The following ADAMTS9 variants were observed in gnomAD, a reference collection of about 807,000 sequenced individuals.
ADAMTS9 encodes ADAM metallopeptidase with thrombospondin type 1 motif 9, also known as A disintegrin and metalloproteinase with thrombospondin motifs 9.
ADAMTS9 carries 107 observed loss-of-function variants against 257.1 expected under a neutral mutation model. The ratio of observed to expected loss-of-function variants is 0.42; its 90% CI spans 0.36 to 0.49. The LOEUF (loss-of-function observed/expected upper bound fraction) is 0.49, where lower values mean the gene tolerates loss of function less well. ADAMTS9 is among the 20% of genes least tolerant of loss of function. ADAMTS9 has a pLI of 0.03. For missense variants in ADAMTS9, 2,353 were observed against 2,469.1 expected (o/e 0.95, Z 1.00); for synonymous variants, 982 against 880.9 (o/e 1.11, Z -2.03).
intron 36 of ADAMTS9, among the ~76,000 whole-genome samples, chr3:64,540,258 G>A (rs151115631): frequency 6.6e-4 from 100 of 152,292 alleles, no homozygotes; most frequent in African/African-American, 2.2e-3. Flanking sequence ...TACAAATCAC[G>A]TTTAATCTAT....
chr3:64,636,283 T>C (rs575009525), intron 12 of ADAMTS9, among the ~76,000 whole-genome samples: 1 of 152,196 alleles, frequency 6.6e-6, no homozygotes, highest in Non-Finnish European at 1.5e-5. Context: ...AAACATTTTT[T>C]ATAAACACAC....
At chr3:64,590,088 T>G (rs2084233182) in intron 28 of ADAMTS9, 1 of 152,184 alleles carries the variant, frequency 6.6e-6, no homozygotes, top group Non-Finnish European at 1.5e-5. Context: ...GCATGCATAT[T>G]TCATAGTTGA....
Position 64,615,398 on chromosome 3 carries a change from T to C in ADAMTS9, c.3112A>G (p.Thr1038Ala), listed in dbSNP as rs773812552. Residue 1038 changes from threonine (T) to alanine (A), a missense_variant, in exon 21 of 40, where the codon ACA (threonine) becomes GCA (alanine). Thr to Ala is a moderately conservative substitution (Grantham distance 58). Around this residue, in one of 3 missense-constraint regions of ADAMTS9, gnomAD observed 1,402 missense variants for 1,441.4 expected, o/e 0.97. Coordinates refer to ENST00000498707, the MANE Select transcript of ADAMTS9 (RefSeq NM_182920.2). Reference sequence around the variant, plus strand: ...TGAATGGTAACTTTCTCTTGATGTGTGCATTTGCTGTCATCCAGTACATCA... The same window carrying C: ...TGAATGGTAACTTTCTCTTGATGTGCGCATTTGCTGTCATCCAGTACATCA... ...RNDVLDDSKC[T>A]HQEKVTIQRC... 4.3e-6 allele frequency: 7 copies of C among 1,613,970 alleles called. No individual in the cohort carries two copies. The African/African-American group carries it at 6.7e-5, about 15-fold the overall frequency.
intron 19 of ADAMTS9, among the ~76,000 whole-genome samples, chr3:64,620,730 C>T (rs553196028): frequency 3.3e-5 from 5 of 152,268 alleles, no homozygotes; most frequent in South Asian, 2.1e-4. Flanking sequence ...TATACACTCT[C>T]GGTAGATATA....
chr3:64,604,636 A>T (rs1479777624), intron 23 of ADAMTS9, among the ~76,000 whole-genome samples: 1 of 152,274 alleles, frequency 6.6e-6, no homozygotes. Flanking sequence ...CATGTAAGTC[A>T]TGAAATAGCA....
intron 39 of ADAMTS9, among the ~76,000 whole-genome samples, chr3:64,520,563 G>T (rs566407956): frequency 2.6e-4 from 39 of 151,778 alleles, no homozygotes; most frequent in Admixed American, 1.7e-3. Context: ...GCAAACTAAA[G>T]GTAACCAAAA....
chr3:64,611,909 T>C (rs1468678409), intron 22 of ADAMTS9, among the ~76,000 whole-genome samples: 1 of 152,208 alleles, frequency 6.6e-6, no homozygotes, highest in African/African-American at 2.4e-5. Context: ...ATTAAGAATA[T>C]GCTAAATGCC....
chr3:64,637,710 G>A (rs754177434), intron 12 of ADAMTS9, among the ~76,000 whole-genome samples: 5 of 152,228 alleles, frequency 3.3e-5, no homozygotes, highest in Non-Finnish European at 5.9e-5. Flanking sequence ...AGCCCCAGAA[G>A]GTAGTGTAAT....
chr3:64,579,692 C>T (rs1418279894), intron 28 of ADAMTS9, among the ~76,000 whole-genome samples: 1 of 152,052 alleles, frequency 6.6e-6, no homozygotes, highest in Non-Finnish European at 1.5e-5. Flanking sequence ...TAAATAATAT[C>T]CAATAGAACC....
intron 26 of ADAMTS9, among the ~76,000 whole-genome samples, chr3:64,599,063 C>T (rs2084412687): frequency 1.3e-5 from 2 of 152,170 alleles, no homozygotes; most frequent in South Asian, 4.2e-4. Context: ...CAGGGAGTGA[C>T]TGGATGCTTC....
chr3:64,607,475 G>A (rs113087145), intron 22 of ADAMTS9, among the ~76,000 whole-genome samples: 1 of 152,234 alleles, frequency 6.6e-6, no homozygotes, highest in African/African-American at 2.4e-5. Context: ...AATAACTGGA[G>A]TTTGCATCAA....
At chr3:64,584,610 T>G (rs1208998780) in intron 28 of ADAMTS9, among the ~76,000 whole-genome samples, 2 of 152,174 alleles carry the variant, frequency 1.3e-5, no homozygotes, top group Non-Finnish European at 2.9e-5. Flanking sequence ...TCTGAATACA[T>G]TTGTTTCTTT....
At position 64,687,719 on chromosome 3, in the gene ADAMTS9, G is replaced by A. The variant is rs911121689; in HGVS notation, c.-62C>T. The A allele has an allele frequency of 7.7e-5, 100 of 1,301,798 alleles. No individual in the cohort carries two copies. Among genetic ancestry groups the A allele is most frequent in the Non-Finnish European group, 1.0e-4 (99 of 975,146 alleles). 80.6% of individuals were successfully genotyped at this position (1,301,798 alleles called of 1,614,324 possible). On this transcript the variant is annotated 5_prime_UTR_variant, in exon 1 of 40. Transcript: ENST00000498707. The surrounding 1 kb of genome is among the most constrained non-coding windows in gnomAD (Gnocchi z 4.4). ...CCTCCCTCCTGCCCTCCTTGGCTGC[G>A]GCGGCGACGCGAGGCAGCGGCCGTG...
chr3:64,683,640 AT>A (rs112672153), intron 2 of ADAMTS9, among the ~76,000 whole-genome samples: 3,933 of 152,354 alleles, frequency 0.026, 172 homozygotes, highest in African/African-American at 0.088. Flanking sequence ...TAAGAGCTCA[AT>A]AAATCATATC....
chr3:64,594,536 G>A, intron 27 of ADAMTS9, 102 bp from the exon 28 acceptor site: 2 of 1,428,886 alleles, frequency 1.4e-6, no homozygotes, highest in Non-Finnish European at 1.9e-6. Context: ...ATGGCATTGG[G>A]CAAGGTAAGC....
At position 64,594,445 on chromosome 3, in the gene ADAMTS9, G is replaced by T; in HGVS notation, c.4180-11C>A. ...ACACAGCTTAGTGCACTGGAAGAAGGAAAAGGAAGGCTGCAGTTATTTTGT... is the reference window on the plus strand; with the variant it reads ...ACACAGCTTAGTGCACTGGAAGAAGTAAAAGGAAGGCTGCAGTTATTTTGT... On this transcript the variant is annotated splice_polypyrimidine_tract_variant and intron_variant, in intron 27 of 39. Transcript: ENST00000498707. 1 of 1,604,818 alleles carries T rather than the reference G, an allele frequency of 6.2e-7. No individual in the cohort carries two copies. Among genetic ancestry groups the T allele is most frequent in the Non-Finnish European group, 8.5e-7 (1 of 1,175,714 alleles).
At chr3:64,662,201 C>A (rs1277680226) in intron 3 of ADAMTS9, among the ~76,000 whole-genome samples, 2 of 152,054 alleles carry the variant, frequency 1.3e-5, no homozygotes, top group Non-Finnish European at 2.9e-5. Context: ...TTAATTTCCA[C>A]ATACTTTTGA....
Position 64,604,240 on chromosome 3 carries a change from C to T in ADAMTS9, c.3566G>A (p.Gly1189Glu). Residue 1189 changes from glycine to glutamate, a missense_variant, in exon 24 of 40, where the codon GGG (glycine) becomes GAG (glutamate). Gly to Glu is a moderately conservative substitution (Grantham distance 98). Coordinates refer to ENST00000498707, the MANE Select transcript of ADAMTS9 (RefSeq NM_182920.2). ...YSAPRTQWRF[G>E]SWTPCSATCG... ...TCTATTTCTTACTGGGGTCCAAGAC[C>T]CAAATCGCCACTGGGTTCTTGGTGC... is the stretch of plus-strand genomic sequence containing the variant. 1 of 1,613,180 alleles carries T rather than the reference C, an allele frequency of 6.2e-7. No individual in the cohort carries two copies. The highest frequency in any genetic ancestry group is 1.1e-5 in the South Asian group (1 of 90,860).
chr3:64,619,082 G>T (rs1256975855), intron 19 of ADAMTS9, among the ~76,000 whole-genome samples: 2 of 152,106 alleles, frequency 1.3e-5, no homozygotes, highest in Admixed American at 1.3e-4. Context: ...TAAAAAGAGG[G>T]TTCTTAAAGA....
Sources: gnomAD v4.1 joint callset for allele counts (sites outside exome capture counted in the v4.1 genomes callset) on GRCh38, gnomAD v4.1.1 for gene constraint, gnomAD v4.1.1 regional missense constraint, Gnocchi (gnomAD v3.1) non-coding constraint, MANE v1.5 for transcripts, NCBI Gene and HGNC (gene_info 2026-07-23, HGNC 2026-07-21) for gene names.